The following DCAF8L2 variants were observed in gnomAD, a reference collection of about 807,000 sequenced individuals.
DCAF8L2 encodes the protein DDB1 and CUL4 associated factor 8 like 2, also known as DDB1- and CUL4-associated factor 8-like protein 2.
For missense variants in DCAF8L2, 430 were observed against 490.7 expected (o/e 0.88, Z 1.17); for synonymous variants, 200 against 190.9 (o/e 1.05, Z -0.39).
the DCAF8L2 span, among the ~76,000 whole-genome samples, chrX:27,556,211 A>G: frequency 9.0e-6 from 1 of 111,199 alleles, no homozygotes; most frequent in Non-Finnish European, 1.9e-5. Context: ...CTCTTTTATT[A>G]TAGCTTAATA....
chrX:27,502,331 AAAAAATATATATATATAT>A, the DCAF8L2 span, among the ~76,000 whole-genome samples: 660 of 29,599 alleles, frequency 0.022, 22 homozygotes, highest in African/African-American at 0.073. Context: ...AAAAAAAAAA[AAAAAATATATATATATAT>A]ATATATATAT....
At chrX:27,590,156 G>T (rs1355997311), upstream of DCAF8L2, among the ~76,000 whole-genome samples, 1 of 111,096 alleles carries the variant, frequency 9.0e-6, no homozygotes, top group Admixed American at 9.7e-5. Context: ...AAACTGTAAG[G>T]TCCTATTATC....
chrX:27,491,187 CT>C, the DCAF8L2 span, among the ~76,000 whole-genome samples: 1 of 112,184 alleles, frequency 8.9e-6, no homozygotes, highest in Non-Finnish European at 1.9e-5. Flanking sequence ...TTGATTTGTA[CT>C]TTTTTGTTTT....
At chrX:27,680,090 T>C (rs956182205) in intron 3 of DCAF8L2, among the ~76,000 whole-genome samples, 1 of 111,628 alleles carries the variant, frequency 9.0e-6, no homozygotes, top group Non-Finnish European at 1.9e-5. Context: ...GGCACCACAG[T>C]CAAACATTTA....
In DCAF8L2 at chrX:27,747,282, A is replaced by AAGAG. The variant is rs1922245768; in HGVS notation, c.387_388insAGAG (p.Glu130ArgfsTer33). On this transcript the variant is annotated frameshift_variant, in exon 5 of 5. Coordinates refer to ENST00000451261, the MANE Select transcript of DCAF8L2 (RefSeq NM_001353450.2). LOFTEE classifies it low-confidence loss of function (END_TRUNC). Reference sequence around the variant, plus strand: ...AAGAGGAGGGAGGGGAGGAGGAGGAAGAGGAGGAGGAGGAGGAGGAGGAGG... The same window carrying AAGAG: ...AAGAGGAGGGAGGGGAGGAGGAGGAAAGAGGAGGAGGAGGAGGAGGAGGAGGAGG... 84 of 939,326 alleles carry AAGAG rather than the reference A, an allele frequency of 8.9e-5. No homozygotes were observed. In the African/African-American group the frequency reaches 1.9e-3, roughly 21 times the overall value. 77.4% of individuals were successfully genotyped at this position (939,326 alleles called of 1,213,427 possible).
the DCAF8L2 span, among the ~76,000 whole-genome samples, chrX:27,559,221 A>G: frequency 9.0e-6 from 1 of 111,629 alleles, no homozygotes; most frequent in African/African-American, 3.3e-5. Flanking sequence ...AGGGACTAAT[A>G]CAGGCCCAAT....
the DCAF8L2 span, among the ~76,000 whole-genome samples, chrX:27,510,447 GAATA>G: frequency 9.4e-6 from 1 of 106,099 alleles, no homozygotes; most frequent in African/African-American, 3.4e-5. Context: ...CTCACATATA[GAATA>G]AAAAGGAAGG....
chrX:27,665,214 A>G (rs1457517156), intron 2 of DCAF8L2, among the ~76,000 whole-genome samples: 1 of 110,810 alleles, frequency 9.0e-6, no homozygotes, highest in African/African-American at 3.3e-5. Context: ...ATTTAAAAAT[A>G]TCAATATTAC....
chrX:27,738,509 C>T (rs1198060042), intron 4 of DCAF8L2, among the ~76,000 whole-genome samples: 1 of 111,782 alleles, frequency 8.9e-6, no homozygotes, highest in African/African-American at 3.3e-5. Flanking sequence ...TAAAATTTCA[C>T]TATGTAAAAT....
chrX:27,547,612 G>T, the DCAF8L2 span, among the ~76,000 whole-genome samples: 1 of 110,927 alleles, frequency 9.0e-6, no homozygotes, highest in African/African-American at 3.3e-5. Context: ...TGAGAGTGCA[G>T]GAAAAACCAC....
chrX:27,510,938 A>G, the DCAF8L2 span, among the ~76,000 whole-genome samples: 1 of 111,388 alleles, frequency 9.0e-6, no homozygotes, highest in Non-Finnish European at 1.9e-5. Flanking sequence ...AGGAGTCAGA[A>G]GTAATGTGTA....
At chrX:27,696,921 A>T (rs915749084) in intron 3 of DCAF8L2, among the ~76,000 whole-genome samples, 5 of 111,828 alleles carry the variant, frequency 4.5e-5, no homozygotes, top group Non-Finnish European at 9.4e-5. Context: ...GTAGAATAAT[A>T]TCCCCAAAAG....
intron 2 of DCAF8L2, among the ~76,000 whole-genome samples, chrX:27,656,366 A>G (rs1345990556): frequency 8.9e-6 from 1 of 112,038 alleles, no homozygotes; most frequent in African/African-American, 3.2e-5. Flanking sequence ...TCTGTACCTT[A>G]CTAATGATCA....
the DCAF8L2 span, among the ~76,000 whole-genome samples, chrX:27,470,142 C>T: frequency 1.8e-5 from 1 of 56,636 alleles, no homozygotes; most frequent in Non-Finnish European, 3.7e-5. Flanking sequence ...ACATTAAAAT[C>T]ATTCAGAAAA....
the DCAF8L2 span, among the ~76,000 whole-genome samples, chrX:27,472,015 G>A: frequency 9.0e-6 from 1 of 111,282 alleles, no homozygotes; most frequent in Admixed American, 9.6e-5. Flanking sequence ...TTCTGGATGA[G>A]GATAAGGAGG....
chrX:27,490,480 G>A, the DCAF8L2 span, among the ~76,000 whole-genome samples: 53 of 109,425 alleles, frequency 4.8e-4, no homozygotes, highest in African/African-American at 1.6e-3. Flanking sequence ...TTTTTTTTTG[G>A]AGACGGAGTC....
intron 1 of DCAF8L2, among the ~76,000 whole-genome samples, chrX:27,592,321 T>C (rs998026845): frequency 8.9e-6 from 1 of 111,929 alleles, no homozygotes; most frequent in African/African-American, 3.2e-5. Context: ...TCCAGAGGCA[T>C]GGAGCCGGGG....
At chrX:27,539,658 G>A in the DCAF8L2 span, among the ~76,000 whole-genome samples, 1 of 111,294 alleles carries the variant, frequency 9.0e-6, no homozygotes. Context: ...TTCTGTGTCT[G>A]TGTGTATGCA....
At chrX:27,497,545 C>CTTTCTTTCTTTCT in the DCAF8L2 span, among the ~76,000 whole-genome samples, 12 of 76,990 alleles carry the variant, frequency 1.6e-4, no homozygotes, top group Admixed American at 6.6e-4. Context: ...TCCTTCCTTC[C>CTTTCTTTCTTTCT]TTCCTTCTTT....
Sources: allele counts gnomAD v4.1 joint callset (sites outside exome capture counted in the v4.1 genomes callset), GRCh38; gene constraint gnomAD v4.1.1; transcripts MANE v1.5; gene names NCBI Gene and HGNC (gene_info 2026-07-23, HGNC 2026-07-21).